Variants in EPHA3 observed in about 807,000 individuals in gnomAD.
EPHA3 encodes the protein ephrin type-A receptor 3.
Under a neutral mutation model 107.1 loss-of-function variants are expected in EPHA3, and 42 were observed. That is an observed-to-expected ratio of 0.39 (90% CI 0.31 to 0.51). The LOEUF (loss-of-function observed/expected upper bound fraction) is 0.51. Ranked by LOEUF, EPHA3 falls within the 20% of genes least tolerant of loss-of-function variation. The pLI is 0.78. For synonymous variants in EPHA3, 461 were observed against 424.8 expected, an observed-to-expected ratio of 1.09 and a Z score of -1.05; for missense variants, 1,183 against 1,211.2, an observed-to-expected ratio of 0.98 and a Z score of 0.35.
At chr3:89,252,462 A>T (rs1372933613) in intron 3 of EPHA3, among the ~76,000 whole-genome samples, 1 of 152,202 alleles carries the variant, frequency 6.6e-6, no homozygotes, top group Admixed American at 6.5e-5. Context: ...TTGGGGCCAG[A>T]TACAGTGGCT....
At chr3:89,317,783 G>T (rs1489863811) in intron 3 of EPHA3, among the ~76,000 whole-genome samples, 2 of 151,604 alleles carry the variant, frequency 1.3e-5, no homozygotes, top group African/African-American at 2.4e-5. Context: ...CAATAAAAAA[G>T]TTAGAAAGAG....
chr3:89,292,771 G>A (rs1706245758), intron 3 of EPHA3, among the ~76,000 whole-genome samples: 1 of 152,044 alleles, frequency 6.6e-6, no homozygotes, highest in African/African-American at 2.4e-5. Flanking sequence ...GACTACTGAA[G>A]TTTATTACAA....
At chr3:89,114,757 A>C (rs2106946894) in intron 1 of EPHA3, among the ~76,000 whole-genome samples, 1 of 152,296 alleles carries the variant, frequency 6.6e-6, no homozygotes, top group Admixed American at 6.5e-5. Flanking sequence ...GGAGCGCGCG[A>C]GAGGCAAACG....
intron 7 of EPHA3, 77 bp from the exon 8 acceptor site, chr3:89,407,188 TAATG>T (rs1709070964): frequency 4.2e-6 from 4 of 945,580 alleles, no homozygotes; most frequent in Non-Finnish European, 6.7e-6. Flanking sequence ...ATTAATTAAT[TAATG>T]AATCAATCAA....
chr3:89,313,990 TA>T lies in EPHA3; in HGVS notation c.815-26924del, dbSNP rs534543445. Reference sequence around the variant, plus strand: ...CTTAGAAGTAAGTTAATTTTAATATTAATTTGATGCTGTATGTACACACACA... The same window carrying T: ...CTTAGAAGTAAGTTAATTTTAATATTATTTGATGCTGTATGTACACACACA... On this transcript the variant is annotated intron_variant, in intron 3 of 16. Coordinates refer to ENST00000336596, the MANE Select transcript of EPHA3 (RefSeq NM_005233.6). Among the ~76,000 whole-genome samples, 821 of 152,066 alleles carry T rather than the reference TA, an allele frequency of 5.4e-3. 10 individuals carry two copies. The highest frequency in any genetic ancestry group is 0.019 in the African/African-American group (782 of 41,542).
intron 2 of EPHA3, among the ~76,000 whole-genome samples, chr3:89,169,028 A>G (rs866335732): frequency 6.6e-6 from 1 of 152,166 alleles, no homozygotes; most frequent in African/African-American, 2.4e-5. Context: ...AACACTAACA[A>G]TTGTCTGTCT....
At chr3:89,386,312 A>T (rs115418493) in intron 5 of EPHA3, among the ~76,000 whole-genome samples, 2,433 of 152,234 alleles carry the variant, frequency 0.016, 67 homozygotes, top group African/African-American at 0.055. Context: ...AATGGTTTTG[A>T]GGGCCAGTCC....
intron 3 of EPHA3, among the ~76,000 whole-genome samples, chr3:89,330,909 T>G (rs1707269466): frequency 6.6e-6 from 1 of 152,170 alleles, no homozygotes; most frequent in Non-Finnish European, 1.5e-5. Flanking sequence ...CAAAATTTTC[T>G]GTCAATTATA....
chr3:89,317,823 A>G (rs949801527), intron 3 of EPHA3, among the ~76,000 whole-genome samples: 2 of 151,882 alleles, frequency 1.3e-5, no homozygotes, highest in African/African-American at 4.8e-5. Context: ...AAAATAATTC[A>G]AAGAAATGAG....
rs137976127 is a variant in EPHA3 at position 89,383,881 on chromosome 3, C to A, written c.1307-11956C>A. Among the ~76,000 whole-genome samples the A allele has an allele frequency of 7.8e-4, 118 of 151,932 alleles. 1 individual carries two copies. Among genetic ancestry groups the A allele is most frequent in the African/African-American group, 2.6e-3 (108 of 41,450 alleles). Reference sequence around the variant, plus strand: ...GCCAGGATTGTCTCGATCTCCTGACCTCGAGATCTGCCCACCTCGGCCCCC... The same window carrying A: ...GCCAGGATTGTCTCGATCTCCTGACATCGAGATCTGCCCACCTCGGCCCCC... On this transcript the variant is annotated intron_variant, in intron 5 of 16. Transcript: ENST00000336596.
At chr3:89,400,125 G>T (rs1222015008) in intron 7 of EPHA3, 67 of 887,786 alleles carry the variant, frequency 7.5e-5, no homozygotes, top group Non-Finnish European at 7.6e-5. Context: ...GTAAAATTAT[G>T]TCTATGGCAC....
intron 5 of EPHA3, among the ~76,000 whole-genome samples, chr3:89,392,117 C>A (rs551437906): frequency 6.6e-6 from 1 of 152,078 alleles, no homozygotes; most frequent in African/African-American, 2.4e-5. Context: ...TTTCAGTAAT[C>A]TATCAATTAG....
intron 3 of EPHA3, among the ~76,000 whole-genome samples, chr3:89,212,411 A>T (rs9809894): frequency 0.14 from 20,645 of 151,884 alleles, 1,424 homozygotes; most frequent in African/African-American, 0.16. Flanking sequence ...TAAAATTATA[A>T]AGTGACATAC....
At chr3:89,459,518 C>G (rs528344825) in intron 15 of EPHA3, among the ~76,000 whole-genome samples, 2 of 145,966 alleles carry the variant, frequency 1.4e-5, no homozygotes, top group Non-Finnish European at 3.0e-5. Flanking sequence ...TCCTTCCTTC[C>G]TTCCTTCGTT....
intron 5 of EPHA3, among the ~76,000 whole-genome samples, chr3:89,358,985 C>CA (rs1708026487): frequency 6.6e-6 from 1 of 151,096 alleles, no homozygotes; most frequent in Non-Finnish European, 1.5e-5. Context: ...AAACTCACCA[C>CA]ATTAATCTGA....
At chr3:89,214,164 A>C (rs1704172231) in intron 3 of EPHA3, among the ~76,000 whole-genome samples, 1 of 151,966 alleles carries the variant, frequency 6.6e-6, no homozygotes, top group Admixed American at 6.6e-5. Flanking sequence ...TTTAGCCAAA[A>C]GCTCTTGTCA....
intron 5 of EPHA3, among the ~76,000 whole-genome samples, chr3:89,377,155 A>G (rs1708418257): frequency 6.6e-6 from 1 of 151,982 alleles, no homozygotes; most frequent in Admixed American, 6.6e-5. Context: ...TTCATGTCCC[A>G]TTGTGTTACT....
intron 5 of EPHA3, among the ~76,000 whole-genome samples, chr3:89,369,550 A>G (rs1708251022): frequency 6.7e-6 from 1 of 150,134 alleles, no homozygotes; most frequent in Non-Finnish European, 1.5e-5. Context: ...AACCATAAAA[A>G]CCCTAGAAGA....
intron 3 of EPHA3, among the ~76,000 whole-genome samples, chr3:89,337,118 C>A (rs1444806593): frequency 6.6e-6 from 1 of 151,424 alleles, no homozygotes; most frequent in Admixed American, 6.6e-5. Flanking sequence ...AAGACATGTA[C>A]GAGAGAGCAT....
Sources: gnomAD v4.1 joint callset for allele counts (sites outside exome capture counted in the v4.1 genomes callset) on GRCh38, gnomAD v4.1.1 for gene constraint, MANE v1.5 for transcripts, NCBI Gene and HGNC (gene_info 2026-07-23, HGNC 2026-07-21) for gene names.